CTNNA3: variants seen among roughly 807,000 people sequenced by gnomAD.
CTNNA3 encodes catenin alpha-3.
CTNNA3 carries 76 observed loss-of-function variants against 95.7 expected under a neutral mutation model. The ratio of observed to expected loss-of-function variants is 0.79; its 90% CI spans 0.66 to 0.96. CTNNA3 has a LOEUF of 0.96. CTNNA3 is among the 40% of genes least tolerant of loss of function. The pLI is 0.00. For missense variants in CTNNA3, 1,191 were observed against 1,089.8 expected, an observed-to-expected ratio of 1.09 and a Z score of -1.31; for synonymous variants, 431 against 374.4, an observed-to-expected ratio of 1.15 and a Z score of -1.74.
At chr10:66,635,878 T>G (rs1434733992) in intron 9 of CTNNA3, among the ~76,000 whole-genome samples, 2 of 152,138 alleles carry the variant, frequency 1.3e-5, no homozygotes, top group Non-Finnish European at 2.9e-5. Context: ...ATTATGACTT[T>G]GAAGGAAATA....
intron 7 of CTNNA3, among the ~76,000 whole-genome samples, chr10:66,944,479 C>A (rs1848181472): frequency 6.6e-6 from 1 of 152,202 alleles, no homozygotes; most frequent in Non-Finnish European, 1.5e-5. Flanking sequence ...GGGTTGGAAT[C>A]AACTTCTTCC....
chr10:67,401,517 G>T lies in CTNNA3; in HGVS notation c.579+120325C>A, dbSNP rs541352687. 9.3e-4 allele frequency among the ~76,000 whole-genome samples: 141 copies of T among 152,230 alleles called. 1 individual carries two copies. The highest frequency in any genetic ancestry group is 3.1e-3 in the African/African-American group (130 of 41,540). On this transcript the variant is annotated intron_variant, in intron 5 of 17. Transcript: ENST00000433211. ...AATGCTAAGGCTGATTTCCAAACTG[G>T]AAAGGTACCTGGGGAAGGGGATTGG...
chr10:67,623,295 G>A (rs1843910854), intron 2 of CTNNA3, among the ~76,000 whole-genome samples: 1 of 152,220 alleles, frequency 6.6e-6, no homozygotes, highest in African/African-American at 2.4e-5. Flanking sequence ...GGGCAGACAT[G>A]TTCTCTCCCT....
chr10:66,318,547 T>C (rs1049605307), intron 12 of CTNNA3, among the ~76,000 whole-genome samples: 1 of 151,994 alleles, frequency 6.6e-6, no homozygotes, highest in Admixed American at 6.6e-5. Flanking sequence ...AATATCCATA[T>C]GCCACATGTT....
At chr10:67,054,631 G>C (rs750259351) in intron 7 of CTNNA3, 22 of 152,160 alleles carry the variant, frequency 1.4e-4, no homozygotes, top group Admixed American at 2.6e-4. Context: ...ATATGATGCA[G>C]TATTTCCAAT....
At chr10:67,277,896 T>C (rs1288964733) in intron 5 of CTNNA3, among the ~76,000 whole-genome samples, 2 of 152,234 alleles carry the variant, frequency 1.3e-5, no homozygotes, top group African/African-American at 4.8e-5. Flanking sequence ...CCCAGAAAAC[T>C]TATGAATAAT....
intron 5 of CTNNA3, among the ~76,000 whole-genome samples, chr10:67,350,910 G>GTATATATATATATATATATA (rs3057678): frequency 1.4e-5 from 2 of 141,806 alleles, no homozygotes; most frequent in African/African-American, 5.2e-5. Context: ...AAAAGTATGT[G>GTATATATATATATATATATA]TATATATATA....
At chr10:66,566,277 A>G (rs994215452) in intron 10 of CTNNA3, among the ~76,000 whole-genome samples, 3 of 152,196 alleles carry the variant, frequency 2.0e-5, no homozygotes, top group African/African-American at 7.2e-5. Context: ...ACATATTCAA[A>G]TGCCCAGGAT....
At chr10:66,899,483 A>T (rs1845634492) in intron 7 of CTNNA3, among the ~76,000 whole-genome samples, 1 of 152,112 alleles carries the variant, frequency 6.6e-6, no homozygotes, top group African/African-American at 2.4e-5. Flanking sequence ...TACCTAGTTC[A>T]TCTCATTGGG....
intron 11 of CTNNA3, among the ~76,000 whole-genome samples, chr10:66,490,594 A>T (rs1281141142): frequency 6.6e-6 from 1 of 152,220 alleles, no homozygotes; most frequent in Non-Finnish European, 1.5e-5. Flanking sequence ...TTAGTGAGGC[A>T]ACAGGAGATT....
intron 10 of CTNNA3, among the ~76,000 whole-genome samples, chr10:66,552,013 C>T (rs1310420604): frequency 6.6e-6 from 1 of 150,460 alleles, no homozygotes; most frequent in African/African-American, 2.4e-5. Context: ...AAGCTGTTCT[C>T]CTGCCTCAGC....
At chr10:67,222,258 C>T (rs1343193206) in intron 5 of CTNNA3, among the ~76,000 whole-genome samples, 1 of 152,172 alleles carries the variant, frequency 6.6e-6, no homozygotes, top group East Asian at 1.9e-4. Flanking sequence ...ACCCACTGTT[C>T]ATAGTCACTA....
intron 7 of CTNNA3, among the ~76,000 whole-genome samples, chr10:66,871,820 G>T (rs374069783): frequency 6.6e-6 from 1 of 152,192 alleles, no homozygotes; most frequent in Non-Finnish European, 1.5e-5. Flanking sequence ...AGTTTAAAAG[G>T]ATAATTTTCT....
At chr10:66,085,590 A>T (rs2080952122) in intron 14 of CTNNA3, among the ~76,000 whole-genome samples, 1 of 152,130 alleles carries the variant, frequency 6.6e-6, no homozygotes, top group African/African-American at 2.4e-5. Flanking sequence ...ATATGGGAGA[A>T]TGTCACCAGA....
intron 9 of CTNNA3, among the ~76,000 whole-genome samples, chr10:66,687,895 G>C (rs1206761107): frequency 2.0e-5 from 3 of 151,940 alleles, no homozygotes; most frequent in African/African-American, 7.3e-5. Flanking sequence ...AAATGATATT[G>C]AGGTCAATTA....
chr10:66,898,808 G>A (rs527829810), intron 7 of CTNNA3, among the ~76,000 whole-genome samples: 2 of 152,300 alleles, frequency 1.3e-5, no homozygotes, highest in East Asian at 1.9e-4. Flanking sequence ...ATGGGGCAAT[G>A]ATCTCTTGGA....
At chr10:66,616,296 C>G (rs1844510772) in intron 10 of CTNNA3, among the ~76,000 whole-genome samples, 1 of 152,052 alleles carries the variant, frequency 6.6e-6, no homozygotes, top group Admixed American at 6.6e-5. Flanking sequence ...CCTGTGTTCT[C>G]AATAAAGTCC....
rs565833372 is a variant in CTNNA3, at chr10:67,240,685, T to A, written c.580-20815A>T. ...ACCATATCATAATAGTATTAAGATA[T>A]CTCCCAAGGTGTGCATTCTGGGCCA... On this transcript the variant is annotated intron_variant, in intron 5 of 17. Transcript: ENST00000433211. Among the ~76,000 whole-genome samples the A allele has an allele frequency of 9.2e-5, 14 of 152,204 alleles. No individual in the cohort carries two copies. The South Asian group carries it at 2.9e-3, about 32-fold the overall frequency.
At chr10:67,554,567 G>T (rs1841163070) in intron 3 of CTNNA3, among the ~76,000 whole-genome samples, 1 of 152,192 alleles carries the variant, frequency 6.6e-6, no homozygotes, top group Admixed American at 6.5e-5. Flanking sequence ...TTTGAGAAGT[G>T]TCTATTCATA....
Sources: gnomAD v4.1 joint callset for allele counts (sites outside exome capture counted in the v4.1 genomes callset) on GRCh38, gnomAD v4.1.1 for gene constraint, MANE v1.5 for transcripts, NCBI Gene and HGNC (gene_info 2026-07-23, HGNC 2026-07-21) for gene names.